Variants in WNT2B observed in about 807,000 individuals in gnomAD.
The protein encoded by WNT2B is protein Wnt-2b.
WNT2B carries 19 observed loss-of-function variants against 40.5 expected under a neutral mutation model. That is an observed-to-expected ratio of 0.47 (90% CI 0.33 to 0.69). The LOEUF (loss-of-function observed/expected upper bound fraction) is 0.69, where lower values mean the gene tolerates loss of function less well. Ranked by LOEUF, WNT2B falls within the 30% of genes least tolerant of loss-of-function variation. The pLI, the probability that WNT2B is intolerant of heterozygous loss-of-function variation, is 0.02. For synonymous variants in WNT2B, 220 were observed against 211.9 expected, an observed-to-expected ratio of 1.04 and a Z score of -0.33; for missense variants, 467 against 556.4, an observed-to-expected ratio of 0.84 and a Z score of 1.62.
intron 2 of WNT2B, 127 bp from the exon 3 acceptor site, chr1:112,516,013 G>A: frequency 8.2e-7 from 1 of 1,219,782 alleles, no homozygotes; most frequent in Non-Finnish European, 1.1e-6. Flanking sequence ...TGAATAAAGG[G>A]GGTGTAGGGG....
rs1175678450 is a variant in WNT2B, at chr1:112,483,201, CACACACACACACACACACACAT to C, written c.-95+15612_-95+15633del. On this transcript the variant is annotated intron_variant, in intron 1 of 4. Coordinates refer to the WNT2B transcript ENST00000256640. ...ATAGATACACACACACACACACACA[CACACACACACACACACACACAT>C]ATACACACACACACACATTATAGTA... is the stretch of plus-strand genomic sequence containing the variant. Among the ~76,000 whole-genome samples, 442 of 131,360 alleles carry C rather than the reference CACACACACACACACACACACAT, an allele frequency of 3.4e-3. 2 individuals carry two copies. Among genetic ancestry groups the C allele is most frequent in the African/African-American group, 0.014 (399 of 28,746 alleles). The allele number at this position is 131,360 out of a possible 152,430, so 86.2% of individuals were successfully genotyped here.
At chr1:112,505,843 C>G (rs1004201360), upstream of WNT2B, among the ~76,000 whole-genome samples, 3 of 152,180 alleles carry the variant, frequency 2.0e-5, no homozygotes, top group Non-Finnish European at 4.4e-5. Context: ...AGGAGCCAAG[C>G]CTCATCCTAG....
At chr1:112,480,066 G>A (rs1041234230) in intron 1 of WNT2B, among the ~76,000 whole-genome samples, 6 of 151,422 alleles carry the variant, frequency 4.0e-5, no homozygotes, top group Admixed American at 1.3e-4. Context: ...TAACCATAAA[G>A]AAAAGACCTA....
intron 1 of WNT2B, among the ~76,000 whole-genome samples, chr1:112,472,105 G>A (rs750319073): frequency 1.3e-5 from 2 of 152,126 alleles, no homozygotes; most frequent in African/African-American, 2.4e-5. Context: ...AGACATTGAC[G>A]ATCAGACAAC....
At position 112,479,216 on chromosome 1, in the gene WNT2B, T is replaced by TG. The variant is rs1651144522; in HGVS notation, c.-95+11626dup. Among the ~76,000 whole-genome samples the TG allele has an allele frequency of 4.7e-5, 7 of 147,450 alleles. No individual in the cohort carries two copies. In the Admixed American group the frequency reaches 4.8e-4, roughly 10 times the overall value. ...AGCCTGGGTGACAAGAGTGAAACTC[T>TG]GTCTCAAAATAAATAAATAAATAAA... On this transcript the variant is annotated intron_variant, in intron 1 of 4. Coordinates refer to the WNT2B transcript ENST00000256640.
chr1:112,509,466 G>C lies in WNT2B; in HGVS notation c.182+22G>C. 6.5e-7 allele frequency: 1 copy of C among 1,546,218 alleles called. No homozygotes were observed. Among genetic ancestry groups the C allele is most frequent in the South Asian group, 1.2e-5 (1 of 83,886 alleles). ...GGTGGTAAGTGTGGCTCTCAGGCTG[G>C]GCGGGTGAGGCGCTTGGTAGGAGAG... is the stretch of plus-strand genomic sequence containing the variant. On this transcript the variant is annotated intron_variant, in intron 1 of 4. Transcript: ENST00000369684. This position sits in a 1 kb window ranked among gnomAD's most constrained non-coding sequence, Gnocchi z 4.2.
At chr1:112,488,805 C>T (rs1022167964) in intron 1 of WNT2B, among the ~76,000 whole-genome samples, 1 of 152,018 alleles carries the variant, frequency 6.6e-6, no homozygotes, top group South Asian at 2.1e-4. Context: ...CTGCCTGCCT[C>T]GGCCTCCCAA....
At chr1:112,516,478 C>A in intron 3 of WNT2B, 61 bp downstream of exon 3, 1 of 1,548,554 alleles carries the variant, frequency 6.5e-7, no homozygotes, top group Non-Finnish European at 8.7e-7. Flanking sequence ...GTGTGTGTGA[C>A]CATGGACTAA....
intron 1 of WNT2B, among the ~76,000 whole-genome samples, chr1:112,469,786 G>C (rs1471462180): frequency 6.6e-6 from 1 of 151,982 alleles, no homozygotes; most frequent in Non-Finnish European, 1.5e-5. Flanking sequence ...GCTAATTTTT[G>C]TATTTTTAGT....
In WNT2B at chr1:112,469,667, T is replaced by C. The variant is rs1304197977; in HGVS notation, c.-95+2076T>C. On this transcript the variant is annotated intron_variant, in intron 1 of 4. Coordinates refer to the WNT2B transcript ENST00000256640. The stretch of plus-strand genomic sequence containing the variant: ...CGGAGCTCTGTCACCCAGGCTAGAG[T>C]GCAGTGTGCGATCTCAGCTCACTAC... Among the ~76,000 whole-genome samples the C allele has an allele frequency of 2.0e-5, 3 of 151,870 alleles. No homozygotes were observed. The South Asian group carries it at 6.2e-4, about 31-fold the overall frequency.
Position 112,490,798 on chromosome 1 carries a change from A to G in WNT2B, c.-95+23207A>G, listed in dbSNP as rs190420240. ...GCCCCCGCGCCCGGCCAAAGAACTC[A>G]TATTCTTAATGAAAAGACTAAAATG... On this transcript the variant is annotated intron_variant, in intron 1 of 4. Coordinates refer to the WNT2B transcript ENST00000256640. 3.0e-4 allele frequency among the ~76,000 whole-genome samples: 45 copies of G among 152,170 alleles called. No individual in the cohort carries two copies. In the East Asian group the frequency reaches 7.7e-3, roughly 26 times the overall value.
intron 1 of WNT2B, among the ~76,000 whole-genome samples, chr1:112,501,990 G>A (rs765124383): frequency 3.3e-5 from 5 of 152,258 alleles, no homozygotes; most frequent in Admixed American, 6.5e-5. Context: ...CGAACGCCAC[G>A]GCGCGGCGCC....
In WNT2B at chr1:112,522,906, G is replaced by A. The variant is rs1035759627; in HGVS notation, c.*2397G>A. On this transcript the variant is annotated 3_prime_UTR_variant, in exon 5 of 5. Transcript: ENST00000369684. Reference sequence around the variant, plus strand: ...TAAGGAGGGGGAAATGGGAGGGGAAGAGAACAGCTGACATCTTGAGGAAAG... The same window carrying A: ...TAAGGAGGGGGAAATGGGAGGGGAAAAGAACAGCTGACATCTTGAGGAAAG... 3 of 152,280 alleles carry A rather than the reference G, an allele frequency of 2.0e-5. No individual in the cohort carries two copies. Among genetic ancestry groups the A allele is most frequent in the Admixed American group, 6.5e-5 (1 of 15,278 alleles). The allele number at this position is 152,280 out of a possible 1,614,324, so 9.4% of individuals were successfully genotyped here. A position where few individuals can be genotyped will look rare whatever the true frequency, so the allele number is the denominator to read the frequency against.
chr1:112,488,376 G>A (rs887628954), intron 1 of WNT2B, among the ~76,000 whole-genome samples: 1 of 151,904 alleles, frequency 6.6e-6, no homozygotes, highest in Non-Finnish European at 1.5e-5. Context: ...AAGGGAACAC[G>A]ATTATGGCAC....
rs369521622 is a variant in WNT2B at position 112,493,424 on chromosome 1, C to G, written c.-94-21450C>G. ...CTTGAGCCCAGGAGTTCGAGACCAG[C>G]CTGGGCAACATAGTGAGACCCTGCC... On this transcript the variant is annotated intron_variant, in intron 1 of 4. Coordinates refer to the WNT2B transcript ENST00000256640. Among the ~76,000 whole-genome samples, 13 of 152,154 alleles carry G rather than the reference C, an allele frequency of 8.5e-5. No individual in the cohort carries two copies. The East Asian group carries it at 1.9e-3, about 23-fold the overall frequency.
upstream of WNT2B, among the ~76,000 whole-genome samples, chr1:112,508,275 A>T (rs1652190074): frequency 6.6e-6 from 1 of 151,386 alleles, no homozygotes; most frequent in Non-Finnish European, 1.5e-5. The surrounding 1 kb of genome is among the most constrained non-coding windows in gnomAD (Gnocchi z 4.2). Context: ...AGGGGCGGGG[A>T]GTCCGCAGGT....
Position 112,529,503 on chromosome 1 carries a change from T to G in WNT2B, c.*8994T>G, listed in dbSNP as rs1192594291. 2 of 152,182 alleles carry G rather than the reference T, an allele frequency of 1.3e-5. No homozygotes were observed. Among genetic ancestry groups the G allele is most frequent in the Admixed American group, 6.5e-5 (1 of 15,278 alleles). The allele number at this position is 152,182 out of a possible 1,614,324, so 9.4% of individuals were successfully genotyped here. A position where few individuals can be genotyped will look rare whatever the true frequency, so the allele number is the denominator to read the frequency against. ...ACATAAGCTGATTGCTCATGCTGGT[T>G]GTTTTATTTACATTTCTGAATGGAA... On this transcript the variant is annotated 3_prime_UTR_variant, in exon 5 of 5. Transcript: ENST00000369684.
rs1428669055 is a variant in WNT2B, at chr1:112,521,668, TCC to T, written c.*1160_*1161del. On this transcript the variant is annotated 3_prime_UTR_variant, in exon 5 of 5. Coordinates refer to ENST00000369684, the MANE Select transcript of WNT2B (RefSeq NM_024494.3). Reference sequence around the variant, plus strand: ...AATCTTTATTTAGTGACTCTCCAAGTCCTAGTGATTATTATTATTGTTCACTC... The same window carrying T: ...AATCTTTATTTAGTGACTCTCCAAGTTAGTGATTATTATTATTGTTCACTC... The T allele has an allele frequency of 3.5e-4, 53 of 152,282 alleles. No homozygotes were observed. Among genetic ancestry groups the T allele is most frequent in the African/African-American group, 1.1e-3 (47 of 41,552 alleles). The allele number at this position is 152,282 out of a possible 1,614,324, so 9.4% of individuals were successfully genotyped here.
intron 1 of WNT2B, among the ~76,000 whole-genome samples, chr1:112,490,355 TGAGA>T (rs1651557923): frequency 6.6e-6 from 1 of 152,174 alleles, no homozygotes; most frequent in Non-Finnish European, 1.5e-5. Flanking sequence ...AGAGAGAAGC[TGAGA>T]GAAAGGCTTC....
Sources: allele counts gnomAD v4.1 joint callset (sites outside exome capture counted in the v4.1 genomes callset), GRCh38; gene constraint gnomAD v4.1.1; non-coding constraint Gnocchi (gnomAD v3.1); transcripts MANE v1.5; gene names NCBI Gene and HGNC (gene_info 2026-07-23, HGNC 2026-07-21).